Variants in CEP43 observed in about 807,000 individuals in gnomAD.
CEP43 encodes centrosomal protein 43.
CEP43 carries 36 observed loss-of-function variants against 52.6 expected under a neutral mutation model. That is an observed-to-expected ratio of 0.68 (90% CI 0.52 to 0.90). The LOEUF is 0.90. CEP43 is among the 40% of genes least tolerant of loss of function. The pLI is 0.00. For missense variants in CEP43, 506 were observed against 472.8 expected (o/e 1.07, Z -0.65); for synonymous variants, 192 against 172.4 (o/e 1.11, Z -0.89).
At chr6:167,006,465 T>C (rs1583269430) in intron 5 of CEP43, among the ~76,000 whole-genome samples, 1 of 151,286 alleles carries the variant, frequency 6.6e-6, no homozygotes, top group South Asian at 2.1e-4. Context: ...TGAGGCGAGG[T>C]CGTGCCACCG....
In CEP43 at chr6:167,043,043, T is replaced by TA. The variant is rs1371498436; in HGVS notation, c.*3065_*3066insA. 1 of 152,276 alleles carries TA rather than the reference T, an allele frequency of 6.6e-6. No homozygotes were observed. Among genetic ancestry groups the TA allele is most frequent in the East Asian group, 1.9e-4 (1 of 5,192 alleles). The allele number at this position is 152,276 out of a possible 1,614,324, so 9.4% of individuals were successfully genotyped here. A position where few individuals can be genotyped will look rare whatever the true frequency, so the allele number is the denominator to read the frequency against. ...GGGAAAGCTGTCCTTACCCTAAACC[T>TA]GGGGAGGTCCCTAGGTTCAAGTCTG... On this transcript the variant is annotated 3_prime_UTR_variant, in exon 13 of 13. Coordinates refer to ENST00000366847, the MANE Select transcript of CEP43 (RefSeq NM_007045.4).
chr6:167,040,386 A>G lies in CEP43; in HGVS notation c.*408A>G. The G allele has an allele frequency of 7.4e-7, 1 of 1,354,610 alleles. No individual in the cohort carries two copies. Among genetic ancestry groups the G allele is most frequent in the Non-Finnish European group, 9.5e-7 (1 of 1,055,272 alleles). 83.9% of individuals were successfully genotyped at this position (1,354,610 alleles called of 1,614,324 possible). On this transcript the variant is annotated 3_prime_UTR_variant, in exon 13 of 13. Transcript: ENST00000366847. ...CTTGGCTTTAGCCCTCTGGAATCAG[A>G]GCTTACCCACCATAGTATATTTTGA...
In CEP43 at chr6:167,040,898, C is replaced by T; in HGVS notation, c.*920C>T. 1 of 1,024,050 alleles carries T rather than the reference C, an allele frequency of 9.8e-7. No homozygotes were observed. The allele number at this position is 1,024,050 out of a possible 1,614,324, so 63.4% of individuals were successfully genotyped here. A position where few individuals can be genotyped will look rare whatever the true frequency, so the allele number is the denominator to read the frequency against. On this transcript the variant is annotated 3_prime_UTR_variant, in exon 13 of 13. Transcript: ENST00000366847. ...TATACTGTACATAATTTCATTGTAACCCTTAAAAATAGAGCCAATAATAGA... is the reference window on the plus strand; with the variant it reads ...TATACTGTACATAATTTCATTGTAATCCTTAAAAATAGAGCCAATAATAGA...
intron 2 of CEP43, among the ~76,000 whole-genome samples, chr6:167,001,140 T>A (rs1474164096): frequency 6.6e-6 from 1 of 152,176 alleles, no homozygotes; most frequent in Non-Finnish European, 1.5e-5. Context: ...TATGTCCTCC[T>A]CTCCTGTCCC....
intron 5 of CEP43, among the ~76,000 whole-genome samples, chr6:167,009,896 C>G (rs1779949482): frequency 6.6e-6 from 1 of 151,984 alleles, no homozygotes; most frequent in East Asian, 1.9e-4. Context: ...TTTTGAGAAT[C>G]AACAAGACTT....
chr6:167,027,689 ATAAAC>A (rs1426394322), intron 10 of CEP43, among the ~76,000 whole-genome samples: 3 of 152,218 alleles, frequency 2.0e-5, no homozygotes, highest in African/African-American at 4.8e-5. Context: ...GCGTAGGGAG[ATAAAC>A]TAAACTGCTA....
chr6:167,017,647 A>T (rs1343861900), intron 7 of CEP43, among the ~76,000 whole-genome samples: 1 of 152,088 alleles, frequency 6.6e-6, no homozygotes, highest in African/African-American at 2.4e-5. Context: ...GACTACTGAA[A>T]AATTAAGGTT....
At position 167,051,154 on chromosome 6, in the gene CEP43, A is replaced by G. The variant is rs1048100016; in HGVS notation, c.*11176A>G. The G allele has an allele frequency of 1.3e-5, 2 of 152,228 alleles. No individual in the cohort carries two copies. Among genetic ancestry groups the G allele is most frequent in the African/African-American group, 4.8e-5 (2 of 41,454 alleles). 9.4% of individuals were successfully genotyped at this position (152,228 alleles called of 1,614,324 possible). ...GGGCCATCTGGTTGTCAGAAATGCA[A>G]AAGCCTGGAAAGTCATCTCAAATGT... is the stretch of plus-strand genomic sequence containing the variant. On this transcript the variant is annotated 3_prime_UTR_variant, in exon 13 of 13. Coordinates refer to ENST00000366847, the MANE Select transcript of CEP43 (RefSeq NM_007045.4).
At chr6:167,006,406 T>C (rs748598760) in intron 5 of CEP43, among the ~76,000 whole-genome samples, 1 of 151,990 alleles carries the variant, frequency 6.6e-6, no homozygotes, top group Non-Finnish European at 1.5e-5. Context: ...TCCCAGCTAC[T>C]TGGGAGGCTG....
chr6:167,020,051 A>C (rs576111656), intron 7 of CEP43, among the ~76,000 whole-genome samples: 2 of 152,368 alleles, frequency 1.3e-5, no homozygotes, highest in Non-Finnish European at 2.9e-5. Context: ...TTCTTTTAAA[A>C]AGACATAAAT....
At chr6:167,016,334 A>G (rs2128661798) in intron 7 of CEP43, among the ~76,000 whole-genome samples, 1 of 152,306 alleles carries the variant, frequency 6.6e-6, no homozygotes, top group African/African-American at 2.4e-5. Context: ...ATCATGGCTC[A>G]CACCACTTGT....
chr6:167,020,253 A>G (rs1780194407), intron 7 of CEP43, among the ~76,000 whole-genome samples: 1 of 152,236 alleles, frequency 6.6e-6, no homozygotes, highest in Non-Finnish European at 1.5e-5. Flanking sequence ...CTTTATAATC[A>G]TTAATTTATA....
chr6:167,020,764 C>T (rs1042421987), intron 7 of CEP43, among the ~76,000 whole-genome samples: 3 of 151,992 alleles, frequency 2.0e-5, no homozygotes, highest in Non-Finnish European at 4.4e-5. Context: ...CAAAAATTAG[C>T]CAAGCGTGGT....
chr6:167,001,904 A>G (rs1779744611), intron 2 of CEP43, among the ~76,000 whole-genome samples: 1 of 127,644 alleles, frequency 7.8e-6, no homozygotes, highest in African/African-American at 2.8e-5. Context: ...TGTTTATAGT[A>G]CACATCTGAT....
At chr6:167,009,587 C>T (rs1372211752) in intron 5 of CEP43, among the ~76,000 whole-genome samples, 2 of 148,598 alleles carry the variant, frequency 1.3e-5, no homozygotes, top group Admixed American at 1.3e-4. Flanking sequence ...ATCGCTTGAA[C>T]CCGGCAGTCG....
intron 8 of CEP43, among the ~76,000 whole-genome samples, chr6:167,023,185 G>T (rs909701753): frequency 1.3e-5 from 2 of 152,144 alleles, no homozygotes; most frequent in Non-Finnish European, 2.9e-5. Context: ...GAGAGAGCAA[G>T]ATGGGGATCG....
intron 7 of CEP43, among the ~76,000 whole-genome samples, chr6:167,016,835 G>C (rs1469325892): frequency 6.6e-6 from 1 of 151,884 alleles, no homozygotes. Context: ...GAGAGAGGTG[G>C]GGGGCAGAGG....
intron 7 of CEP43, among the ~76,000 whole-genome samples, chr6:167,017,197 G>A (rs1244245233): frequency 1.3e-5 from 2 of 151,858 alleles, no homozygotes; most frequent in Non-Finnish European, 2.9e-5. Context: ...GGGTTTCACT[G>A]TGTTAGCTAG....
rs1196942641 is a variant in CEP43, at chr6:167,041,702, A to T, written c.*1724A>T. The T allele has an allele frequency of 1.9e-6, 2 of 1,039,406 alleles. No homozygotes were observed. The highest frequency in any genetic ancestry group is 3.4e-5 in the African/African-American group (2 of 59,676). The allele number at this position is 1,039,406 out of a possible 1,614,324, so 64.4% of individuals were successfully genotyped here. A position where few individuals can be genotyped will look rare whatever the true frequency, so the allele number is the denominator to read the frequency against. ...TTTTAAATTTATGAAACTTTCGAAC[A>T]GTAGCAACTGAAATTTGTCACTTTT... On this transcript the variant is annotated 3_prime_UTR_variant, in exon 13 of 13. Coordinates refer to ENST00000366847, the MANE Select transcript of CEP43 (RefSeq NM_007045.4).
Sources: gnomAD v4.1 joint callset for allele counts (sites outside exome capture counted in the v4.1 genomes callset) on GRCh38, gnomAD v4.1.1 for gene constraint, MANE v1.5 for transcripts, NCBI Gene and HGNC (gene_info 2026-07-23, HGNC 2026-07-21) for gene names.